Variants in GNAQ observed in about 807,000 individuals in gnomAD.
GNAQ encodes the protein guanine nucleotide-binding protein G(q) subunit alpha.
Under a neutral mutation model 43.9 loss-of-function variants are expected in GNAQ, and 8 were observed. The observed-to-expected ratio is 0.18, with a 90% CI of 0.11 to 0.33. The LOEUF (loss-of-function observed/expected upper bound fraction) is 0.33, where lower values mean the gene tolerates loss of function less well. Ranked by LOEUF, GNAQ falls within the 10% of genes least tolerant of loss-of-function variation. The probability of loss-of-function intolerance (pLI) is 1.00; values close to 1 mark genes in which losing one functional copy is unlikely to be tolerated. For missense variants in GNAQ, 158 were observed against 450.8 expected (o/e 0.35, Z 5.88); for synonymous variants, 155 against 170.7 (o/e 0.91, Z 0.71).
intron 1 of GNAQ, among the ~76,000 whole-genome samples, chr9:77,973,526 G>A (rs984552182): frequency 2.0e-5 from 3 of 152,096 alleles, no homozygotes; most frequent in African/African-American, 7.2e-5. Context: ...CATAGAAATA[G>A]GAAGCAATGG....
intron 1 of GNAQ, among the ~76,000 whole-genome samples, chr9:77,970,127 A>G (rs1409527481): frequency 1.3e-5 from 2 of 151,980 alleles, no homozygotes; most frequent in Non-Finnish European, 2.9e-5. Context: ...GCTGAGACAG[A>G]AGAATCGCTT....
chr9:77,820,730 A>G (rs1827099786), intron 2 of GNAQ, among the ~76,000 whole-genome samples: 1 of 152,334 alleles, frequency 6.6e-6, no homozygotes. Flanking sequence ...CCACAGTAGC[A>G]AAGAGGAAGA....
intron 2 of GNAQ, among the ~76,000 whole-genome samples, chr9:77,901,051 C>A (rs1280809946): frequency 1.3e-5 from 2 of 152,158 alleles, no homozygotes; most frequent in East Asian, 3.9e-4. Context: ...TTGCTTGAAT[C>A]CTCAAGCTGC....
At chr9:77,930,896 C>A (rs560186250) in intron 1 of GNAQ, among the ~76,000 whole-genome samples, 1 of 152,066 alleles carries the variant, frequency 6.6e-6, no homozygotes, top group Non-Finnish European at 1.5e-5. Context: ...AAGAGAGTGG[C>A]AGGCATTACT....
At chr9:77,860,599 T>C (rs1156737022) in intron 2 of GNAQ, among the ~76,000 whole-genome samples, 1 of 152,176 alleles carries the variant, frequency 6.6e-6, no homozygotes, top group Non-Finnish European at 1.5e-5. Flanking sequence ...GTTTGCACTT[T>C]TGTGAGAATC....
At chr9:77,857,542 AAGGG>A (rs529068046) in intron 2 of GNAQ, among the ~76,000 whole-genome samples, 7 of 138,668 alleles carry the variant, frequency 5.0e-5, no homozygotes, top group South Asian at 2.7e-4. Context: ...GGGAAGAAGG[AAGGG>A]AGGGAGGGAG....
At chr9:77,741,858 CAGG>C (rs1298799509) in intron 5 of GNAQ, among the ~76,000 whole-genome samples, 5 of 152,124 alleles carry the variant, frequency 3.3e-5, no homozygotes, top group African/African-American at 1.2e-4. Flanking sequence ...TTGATTCTTC[CAGG>C]AGAATGACTG....
chr9:77,901,319 T>C (rs560391649), intron 2 of GNAQ, among the ~76,000 whole-genome samples: 2 of 152,170 alleles, frequency 1.3e-5, no homozygotes, highest in Non-Finnish European at 2.9e-5. Context: ...TACAATACAA[T>C]TCCCCTACAC....
intron 1 of GNAQ, among the ~76,000 whole-genome samples, chr9:77,999,950 AAACAGGTT>A (rs1402926705): frequency 6.6e-6 from 1 of 152,216 alleles, no homozygotes; most frequent in Non-Finnish European, 1.5e-5. Context: ...CCTTGAGCCA[AAACAGGTT>A]AATTTCTCAT....
At chr9:77,840,709 GAAAA>G (rs977932647) in intron 2 of GNAQ, among the ~76,000 whole-genome samples, 1 of 151,988 alleles carries the variant, frequency 6.6e-6, no homozygotes, top group Non-Finnish European at 1.5e-5. Flanking sequence ...AAACAAAAAA[GAAAA>G]AAAGAATAAA....
chr9:77,810,262 CTATCTG>C (rs1278694051), intron 3 of GNAQ, among the ~76,000 whole-genome samples: 2 of 151,702 alleles, frequency 1.3e-5, no homozygotes, highest in African/African-American at 4.9e-5. Context: ...ATCTATCTAT[CTATCTG>C]TCATGCATCC....
At chr9:77,830,049 T>G (rs1436749428) in intron 2 of GNAQ, among the ~76,000 whole-genome samples, 1 of 152,004 alleles carries the variant, frequency 6.6e-6, no homozygotes, top group Non-Finnish European at 1.5e-5. Context: ...ATCTCCAGGG[T>G]TCAGGTGATG....
intron 4 of GNAQ, among the ~76,000 whole-genome samples, chr9:77,795,419 T>C (rs764353650): frequency 2.2e-4 from 34 of 152,316 alleles, no homozygotes; most frequent in Non-Finnish European, 4.6e-4. Context: ...GTTGAATCCG[T>C]ATCTTGAATG....
At chr9:77,949,382 T>C (rs547727072) in intron 1 of GNAQ, among the ~76,000 whole-genome samples, 1 of 152,200 alleles carries the variant, frequency 6.6e-6, no homozygotes, top group South Asian at 2.1e-4. Flanking sequence ...TATTCCACAA[T>C]GGGAACCAAA....
In GNAQ at chr9:78,030,887, CTGTGTG is replaced by C. The variant is rs35071779; in HGVS notation, c.136+207_136+212del. On this transcript the variant is annotated intron_variant, in intron 1 of 6. Coordinates refer to ENST00000286548, the MANE Select transcript of GNAQ (RefSeq NM_002072.5). Reference sequence around the variant, plus strand: ...ACCCCTGTGCTGCGTGTGTGTGTCGCTGTGTGTGTGTGTGTGTGTGTGTGTGTGTGT... The same window carrying C: ...ACCCCTGTGCTGCGTGTGTGTGTCGCTGTGTGTGTGTGTGTGTGTGTGTGT... Among the ~76,000 whole-genome samples the C allele has an allele frequency of 9.5e-3, 1,383 of 146,142 alleles. 13 individuals are homozygous for C. Among genetic ancestry groups the C allele is most frequent in the East Asian group, 0.025 (120 of 4,848 alleles).
At chr9:77,922,937 C>T (rs1829018860) in intron 1 of GNAQ, among the ~76,000 whole-genome samples, 1 of 152,074 alleles carries the variant, frequency 6.6e-6, no homozygotes, top group South Asian at 2.1e-4. Flanking sequence ...TAAAGAAATC[C>T]CATCTGAGTC....
intron 2 of GNAQ, among the ~76,000 whole-genome samples, chr9:77,826,550 C>T (rs929662460): frequency 1.3e-5 from 2 of 152,184 alleles, no homozygotes; most frequent in African/African-American, 4.8e-5. Flanking sequence ...AACTGAGGCA[C>T]GCCTTAAGTG....
intron 2 of GNAQ, among the ~76,000 whole-genome samples, chr9:77,830,887 T>C (rs980471538): frequency 6.6e-6 from 1 of 152,182 alleles, no homozygotes; most frequent in Admixed American, 6.5e-5. Flanking sequence ...CTTGTAAAAC[T>C]TGAGAAAAAG....
In GNAQ at chr9:77,932,826, G is replaced by A. The variant is rs531217147; in HGVS notation, c.137-10481C>T. Among the ~76,000 whole-genome samples, 84 of 152,232 alleles carry A rather than the reference G, an allele frequency of 5.5e-4. 1 individual carries two copies. Among genetic ancestry groups the A allele is most frequent in the African/African-American group, 1.9e-3 (81 of 41,544 alleles). On this transcript the variant is annotated intron_variant, in intron 1 of 6. Transcript: ENST00000286548. ...CCTTGATTTATGCTAGGTAAAGAAT[G>A]GATGACTGTTAAGAACAAATTAGTA...
Sources: gnomAD v4.1 joint callset for allele counts (sites outside exome capture counted in the v4.1 genomes callset) on GRCh38, gnomAD v4.1.1 for gene constraint, MANE v1.5 for transcripts, NCBI Gene and HGNC (gene_info 2026-07-23, HGNC 2026-07-21) for gene names.